The following TRPM3 variants were observed in gnomAD, a reference collection of about 807,000 sequenced individuals.
TRPM3 encodes the protein transient receptor potential cation channel subfamily M member 3.
TRPM3 carries 77 observed loss-of-function variants against 181.2 expected under a neutral mutation model. The observed-to-expected ratio is 0.42, with a 90% CI of 0.35 to 0.51. The LOEUF is 0.51. Among genes scored for constraint, TRPM3 ranks in the 20% least tolerant of loss-of-function variants. The pLI is 0.01. For missense variants in TRPM3, 1,759 were observed against 2,196.7 expected, an observed-to-expected ratio of 0.80 and a Z score of 3.98; for synonymous variants, 745 against 796.4, an observed-to-expected ratio of 0.94 and a Z score of 1.09.
chr9:71,198,310 C>A (rs1485599873), intron 1 of TRPM3, among the ~76,000 whole-genome samples: 1 of 151,804 alleles, frequency 6.6e-6, no homozygotes, highest in Non-Finnish European at 1.5e-5. Flanking sequence ...TAGTGTGATG[C>A]CTCCAGCTTT....
chr9:70,831,962 AATATATATATATATATAT>A (rs71367232), intron 5 of TRPM3, among the ~76,000 whole-genome samples: 12 of 64,250 alleles, frequency 1.9e-4, no homozygotes, highest in East Asian at 4.6e-4. Context: ...GTACCCCATA[AATATATATATATATATAT>A]ATATATATAT....
chr9:71,040,199 A>C (rs1490407472), intron 1 of TRPM3, among the ~76,000 whole-genome samples: 1 of 152,202 alleles, frequency 6.6e-6, no homozygotes, highest in Non-Finnish European at 1.5e-5. Flanking sequence ...AAAATCTCTT[A>C]TGTCTTTAAG....
In TRPM3 at chr9:70,925,602, C is replaced by G. The variant is rs538332656; in HGVS notation, c.178-61091G>C. On this transcript the variant is annotated intron_variant, in intron 1 of 25. Coordinates refer to ENST00000677713, the MANE Select transcript of TRPM3 (RefSeq NM_001366145.2). The stretch of plus-strand genomic sequence containing the variant: ...AATATATATATATATCTCCTCCTGT[C>G]TATTCACAGCTCCAATGCAGCTTTC... 1.2e-4 allele frequency among the ~76,000 whole-genome samples: 19 copies of G among 152,104 alleles called. 1 individual carries two copies. Among genetic ancestry groups the G allele is most frequent in the Admixed American group, 1.2e-3 (19 of 15,262 alleles).
intron 1 of TRPM3, among the ~76,000 whole-genome samples, chr9:71,226,452 A>C (rs1163854643): frequency 1.3e-5 from 2 of 152,178 alleles, no homozygotes; most frequent in Non-Finnish European, 2.9e-5. Context: ...TTGGCCTTTA[A>C]AGACACGTAG....
chr9:71,002,340 G>A (rs992029968), intron 1 of TRPM3, among the ~76,000 whole-genome samples: 1 of 152,138 alleles, frequency 6.6e-6, no homozygotes, highest in East Asian at 1.9e-4. Context: ...TCTTTAAATC[G>A]AAATTGGAGC....
intron 1 of TRPM3, among the ~76,000 whole-genome samples, chr9:70,925,895 C>A (rs531222079): frequency 1.3e-5 from 2 of 151,570 alleles, no homozygotes; most frequent in South Asian, 4.2e-4. Flanking sequence ...CAAGGCCAAT[C>A]CAACTTTTCT....
intron 1 of TRPM3, among the ~76,000 whole-genome samples, chr9:71,116,321 C>T (rs982830326): frequency 2.6e-5 from 4 of 152,184 alleles, no homozygotes; most frequent in African/African-American, 9.6e-5. Flanking sequence ...TGACATCATT[C>T]TACCTCCTTT....
At chr9:71,039,143 T>C (rs116818662) in intron 1 of TRPM3, among the ~76,000 whole-genome samples, 433 of 152,320 alleles carry the variant, frequency 2.8e-3, no homozygotes, top group African/African-American at 9.7e-3. Flanking sequence ...TGGAAGCCAG[T>C]GTGGTCAGCG....
At chr9:70,965,548 G>GT (rs1328801689) in intron 1 of TRPM3, among the ~76,000 whole-genome samples, 2 of 151,986 alleles carry the variant, frequency 1.3e-5, no homozygotes, top group African/African-American at 4.8e-5. Flanking sequence ...TGTGGTTTTT[G>GT]TCTTTAGTTC....
chr9:71,336,979 A>C (rs1272668310), intron 1 of TRPM3, among the ~76,000 whole-genome samples: 1 of 152,252 alleles, frequency 6.6e-6, no homozygotes, highest in African/African-American at 2.4e-5. Context: ...CTTCAACGTA[A>C]GATCTAAAAT....
chr9:71,231,696 G>T (rs887426432), intron 1 of TRPM3, among the ~76,000 whole-genome samples: 1 of 152,132 alleles, frequency 6.6e-6, no homozygotes, highest in Non-Finnish European at 1.5e-5. Context: ...ACTAAATACT[G>T]CATGTTCTCA....
chr9:71,152,531 T>G (rs2075787343), intron 1 of TRPM3, among the ~76,000 whole-genome samples: 1 of 152,122 alleles, frequency 6.6e-6, no homozygotes, highest in Non-Finnish European at 1.5e-5. Flanking sequence ...ATAACACAAA[T>G]AAGGGATAAT....
intron 1 of TRPM3, among the ~76,000 whole-genome samples, chr9:71,304,248 A>C (rs2087051080): frequency 1.3e-5 from 2 of 152,210 alleles, no homozygotes; most frequent in Admixed American, 6.5e-5. Flanking sequence ...CAAGTTAAGG[A>C]TAGAGTTCTT....
intron 1 of TRPM3, among the ~76,000 whole-genome samples, chr9:71,436,401 C>T (rs1004777805): frequency 2.8e-5 from 4 of 141,450 alleles, no homozygotes; most frequent in Non-Finnish European, 6.0e-5. Flanking sequence ...CTCCTGGGTT[C>T]GAGCGATTCC....
intron 1 of TRPM3, among the ~76,000 whole-genome samples, chr9:71,171,814 G>A (rs907579976): frequency 2.6e-5 from 4 of 152,028 alleles, no homozygotes; most frequent in East Asian, 1.9e-4. Context: ...TGTGTTACGC[G>A]GCAGCTTCAC....
At chr9:71,155,318 C>CT (rs1313147806) in intron 1 of TRPM3, among the ~76,000 whole-genome samples, 1 of 151,332 alleles carries the variant, frequency 6.6e-6, no homozygotes, top group Non-Finnish European at 1.5e-5. Flanking sequence ...AAGTTCCTAT[C>CT]TTTTTTTTCT....
intron 1 of TRPM3, among the ~76,000 whole-genome samples, chr9:71,237,677 C>T (rs1044979552): frequency 1.3e-5 from 2 of 152,154 alleles, no homozygotes; most frequent in African/African-American, 2.4e-5. Context: ...CATATTTCTC[C>T]TTAGAGAGTG....
chr9:71,381,840 C>T (rs751855839), intron 1 of TRPM3, among the ~76,000 whole-genome samples: 11 of 152,002 alleles, frequency 7.2e-5, no homozygotes, highest in Non-Finnish European at 1.5e-4. Flanking sequence ...CCAGGTTTCT[C>T]ATCTTTCTTA....
At chr9:70,585,721 T>C (rs2056992732) in intron 22 of TRPM3, among the ~76,000 whole-genome samples, 1 of 152,192 alleles carries the variant, frequency 6.6e-6, no homozygotes, top group South Asian at 2.1e-4. Flanking sequence ...AATCTCATCC[T>C]GCCTGTTTCC....
Sources: allele counts gnomAD v4.1 joint callset (sites outside exome capture counted in the v4.1 genomes callset), GRCh38; gene constraint gnomAD v4.1.1; transcripts MANE v1.5; gene names NCBI Gene and HGNC (gene_info 2026-07-23, HGNC 2026-07-21).